The following CALN1 variants were observed in gnomAD, a reference collection of about 807,000 sequenced individuals.
CALN1 encodes calneuron 1.
A neutral mutation model predicts 30.6 loss-of-function variants in CALN1; 17 were observed. The observed-to-expected ratio is 0.56, with a 90% CI of 0.38 to 0.83. CALN1 has a LOEUF of 0.83. Among genes scored for constraint, CALN1 ranks in the 40% least tolerant of loss-of-function variants. The pLI is 0.00. For missense variants in CALN1, 291 were observed against 354.9 expected, an observed-to-expected ratio of 0.82 and a Z score of 1.45; for synonymous variants, 156 against 131.4, an observed-to-expected ratio of 1.19 and a Z score of -1.28.
intron 3 of CALN1, among the ~76,000 whole-genome samples, chr7:72,260,655 C>G (rs1796203853): frequency 6.6e-6 from 1 of 152,114 alleles, no homozygotes; most frequent in African/African-American, 2.4e-5. Flanking sequence ...ACCTGAAACC[C>G]TCAAGTTTTA....
intron 2 of CALN1, among the ~76,000 whole-genome samples, chr7:72,355,177 C>T (rs896347003): frequency 1.3e-5 from 2 of 152,132 alleles, no homozygotes; most frequent in Non-Finnish European, 2.9e-5. Flanking sequence ...CAAAGTGCTG[C>T]GATTACAGGC....
intron 2 of CALN1, among the ~76,000 whole-genome samples, chr7:72,361,942 C>A (rs1256178340): frequency 6.7e-6 from 1 of 149,032 alleles, no homozygotes; most frequent in Non-Finnish European, 1.5e-5. Flanking sequence ...TCATATGACA[C>A]ATTTTTTTCT....
In CALN1 at chr7:71,791,567, G is replaced by A. The variant is rs557122876; in HGVS notation, c.659-3665C>T. Reference sequence around the variant, plus strand: ...GCCCACTTGAGGATGGAGGGTAGGAGGAGGGAGACGAGCAGAAAAAAATCA... The same window carrying A: ...GCCCACTTGAGGATGGAGGGTAGGAAGAGGGAGACGAGCAGAAAAAAATCA... On this transcript the variant is annotated intron_variant, in intron 6 of 6. Transcript: ENST00000395275. Among the ~76,000 whole-genome samples the A allele has an allele frequency of 2.0e-5, 3 of 152,284 alleles. No individual in the cohort carries two copies. The East Asian group carries it at 5.8e-4, about 29-fold the overall frequency.
Position 71,847,740 on chromosome 7 carries a change from AAAG to A in CALN1, c.502-37251_502-37249del, listed in dbSNP as rs1326343877. Among the ~76,000 whole-genome samples, 285 of 111,684 alleles carry A rather than the reference AAAG, an allele frequency of 2.6e-3. 3 individuals are homozygous for A. Among genetic ancestry groups the A allele is most frequent in the African/African-American group, 8.2e-3 (272 of 33,256 alleles). The allele number at this position is 111,684 out of a possible 152,430, so 73.3% of individuals were successfully genotyped here. A position where few individuals can be genotyped will look rare whatever the true frequency, so the allele number is the denominator to read the frequency against. The stretch of plus-strand genomic sequence containing the variant: ...GAAAGAAGAAGAAAGAAGAAAGAAG[AAAG>A]AAGAAGAAAGAAGAAAGAAGAAGAA... On this transcript the variant is annotated intron_variant, in intron 5 of 6. Transcript: ENST00000395275.
At chr7:72,013,312 C>T (rs151144801) in intron 5 of CALN1, among the ~76,000 whole-genome samples, 1,421 of 134,376 alleles carry the variant, frequency 0.011, 18 homozygotes, top group African/African-American at 0.034. Context: ...AGTGCAGTGA[C>T]GTGATCATGG....
At chr7:72,173,586 A>C (rs971945503) in intron 3 of CALN1, among the ~76,000 whole-genome samples, 1 of 152,198 alleles carries the variant, frequency 6.6e-6, no homozygotes, top group East Asian at 1.9e-4. Flanking sequence ...AAAAGGACAG[A>C]CTTCTAGATA....
intron 5 of CALN1, among the ~76,000 whole-genome samples, chr7:71,929,899 T>C (rs984789187): frequency 2.6e-5 from 4 of 152,186 alleles, no homozygotes; most frequent in Non-Finnish European, 5.9e-5. Flanking sequence ...AGTACAGCTG[T>C]CCCTCGGTAT....
In CALN1 at chr7:71,783,715, C is replaced by T. The variant is rs7809896; in HGVS notation, c.*4060G>A. ...CCTGAGTCTGGACTTAAACCGAGTA[C>T]GAGGCATTTGGAATAAAAGGTAAAC... On this transcript the variant is annotated 3_prime_UTR_variant, in exon 7 of 7. Transcript: ENST00000395275. 1,828 of 152,722 alleles carry T rather than the reference C, an allele frequency of 0.012. 20 individuals are homozygous for T. Among genetic ancestry groups the T allele is most frequent in the Non-Finnish European group, 0.02 (1,369 of 68,036 alleles). The allele number at this position is 152,722 out of a possible 1,614,324, so 9.5% of individuals were successfully genotyped here. A position where few individuals can be genotyped will look rare whatever the true frequency, so the allele number is the denominator to read the frequency against.
chr7:72,387,564 T>C (rs1198016215), intron 2 of CALN1, among the ~76,000 whole-genome samples: 1 of 152,094 alleles, frequency 6.6e-6, no homozygotes, highest in Non-Finnish European at 1.5e-5. Flanking sequence ...TACAATGTGA[T>C]GAAAATGGCC....
chr7:71,833,537 A>C (rs1789415769), intron 5 of CALN1, among the ~76,000 whole-genome samples: 1 of 151,544 alleles, frequency 6.6e-6, no homozygotes, highest in Non-Finnish European at 1.5e-5. Context: ...GACAGCCATG[A>C]GACTTAAGGA....
intron 2 of CALN1, among the ~76,000 whole-genome samples, chr7:72,393,418 C>T (rs1308681914): frequency 2.0e-5 from 3 of 152,096 alleles, no homozygotes; most frequent in Non-Finnish European, 4.4e-5. Context: ...GAGCCGAGAT[C>T]GCGCCACTGC....
At chr7:72,008,029 T>C (rs1562971699) in intron 5 of CALN1, among the ~76,000 whole-genome samples, 1 of 152,124 alleles carries the variant, frequency 6.6e-6, no homozygotes, top group Non-Finnish European at 1.5e-5. Flanking sequence ...AGATAAAAAA[T>C]AAATGAGGAC....
At chr7:72,472,271 A>AAT in the CALN1 span, among the ~76,000 whole-genome samples, 4 of 152,224 alleles carry the variant, frequency 2.6e-5, no homozygotes, top group Non-Finnish European at 4.4e-5. Context: ...TTGCAAGGCC[A>AAT]TACATCCTTG....
chr7:71,997,768 CAT>C (rs1799325963), intron 5 of CALN1, among the ~76,000 whole-genome samples: 1 of 152,158 alleles, frequency 6.6e-6, no homozygotes, highest in African/African-American at 2.4e-5. Context: ...AGTGGCACAA[CAT>C]TCTTCAAGTT....
chr7:72,131,743 T>A (rs1041366114), intron 3 of CALN1, among the ~76,000 whole-genome samples: 1 of 152,178 alleles, frequency 6.6e-6, no homozygotes, highest in Admixed American at 6.5e-5. Flanking sequence ...AGACTTTGAC[T>A]CTTCAGCATT....
chr7:71,889,549 G>T (rs188235671), intron 5 of CALN1, among the ~76,000 whole-genome samples: 1 of 152,122 alleles, frequency 6.6e-6, no homozygotes, highest in East Asian at 1.9e-4. Flanking sequence ...ATCCCGAAAG[G>T]CCCCGCCTCC....
intron 5 of CALN1, among the ~76,000 whole-genome samples, chr7:72,023,399 G>C (rs1052538041): frequency 1.3e-5 from 2 of 152,016 alleles, no homozygotes; most frequent in African/African-American, 2.4e-5. Context: ...CCAGGAAAAA[G>C]ACTTTTGTGA....
At chr7:72,297,178 T>C (rs1798923880) in intron 2 of CALN1, among the ~76,000 whole-genome samples, 1 of 152,192 alleles carries the variant, frequency 6.6e-6, no homozygotes, top group Non-Finnish European at 1.5e-5. Context: ...CTTCATTTCA[T>C]TATGTACCCA....
chr7:71,974,206 T>C (rs2129526593), intron 5 of CALN1, among the ~76,000 whole-genome samples: 1 of 151,970 alleles, frequency 6.6e-6, no homozygotes, highest in South Asian at 2.1e-4. Flanking sequence ...TCACCTGAGG[T>C]CAGGAGTTCG....
Sources: allele counts gnomAD v4.1 joint callset (sites outside exome capture counted in the v4.1 genomes callset), GRCh38; gene constraint gnomAD v4.1.1; transcripts MANE v1.5; gene names NCBI Gene and HGNC (gene_info 2026-07-23, HGNC 2026-07-21).